The following FLRT2 variants were observed in gnomAD, a reference collection of about 807,000 sequenced individuals.
FLRT2 encodes fibronectin leucine rich transmembrane protein 2, also known as leucine-rich repeat transmembrane protein FLRT2.
In FLRT2, 15 loss-of-function variants were observed where a neutral mutation model predicts 40.0. The observed-to-expected ratio is 0.38, with a 90% CI of 0.25 to 0.58. The LOEUF (loss-of-function observed/expected upper bound fraction) is 0.58. FLRT2 is among the 20% of genes least tolerant of loss of function. The pLI is 0.71. For missense variants in FLRT2, 726 were observed against 840.0 expected (o/e 0.86, Z 1.68); for synonymous variants, 380 against 336.8 (o/e 1.13, Z -1.41).
At chr14:85,536,978 T>C (rs112338911) in intron 1 of FLRT2, among the ~76,000 whole-genome samples, 1 of 152,318 alleles carries the variant, frequency 6.6e-6, no homozygotes, top group African/African-American at 2.4e-5. Context: ...TTATTGCTCC[T>C]AAGTGCTTAC....
At chr14:85,588,571 G>C (rs1280964238) in intron 1 of FLRT2, among the ~76,000 whole-genome samples, 1 of 151,872 alleles carries the variant, frequency 6.6e-6, no homozygotes, top group Non-Finnish European at 1.5e-5. Flanking sequence ...CACATCATGA[G>C]AATGGGGTAT....
rs869148428 is a variant in FLRT2, at chr14:85,639,851, CTT to C, written c.*16368_*16369del. ...GAAATTCTTTATTTTTTTTTTTTTCCTTTTTTTTTTTTTTTGAGACAGTGTCT... is the reference window on the plus strand; with the variant it reads ...GAAATTCTTTATTTTTTTTTTTTTCCTTTTTTTTTTTTTGAGACAGTGTCT... On this transcript the variant is annotated 3_prime_UTR_variant, in exon 2 of 2. Coordinates refer to ENST00000330753, the MANE Select transcript of FLRT2 (RefSeq NM_013231.6). The C allele has an allele frequency of 1.7e-5, 2 of 119,250 alleles. No individual in the cohort carries two copies. Among genetic ancestry groups the C allele is most frequent in the Non-Finnish European group, 1.6e-5 (1 of 62,186 alleles). 7.4% of individuals were successfully genotyped at this position (119,250 alleles called of 1,614,324 possible). A position where few individuals can be genotyped will look rare whatever the true frequency, so the allele number is the denominator to read the frequency against.
intron 1 of FLRT2, among the ~76,000 whole-genome samples, chr14:85,588,455 C>G (rs1471693891): frequency 2.1e-5 from 1 of 47,912 alleles, no homozygotes; most frequent in African/African-American, 1.6e-4. Context: ...ATCACTAGCT[C>G]AGTTTTTTTT....
At chr14:85,583,300 TA>T (rs1424359398) in intron 1 of FLRT2, among the ~76,000 whole-genome samples, 5 of 152,214 alleles carry the variant, frequency 3.3e-5, no homozygotes, top group Non-Finnish European at 7.3e-5. Context: ...TGGAAAAGAA[TA>T]GGTAAAGTAC....
In FLRT2 at chr14:85,623,287, A is replaced by C. The variant is rs1397893420; in HGVS notation, c.1773A>C (p.Ala591=). Residue 591 remains alanine, a synonymous_variant, in exon 2 of 2, where the codon GCA becomes GCC. Transcript: ENST00000330753. ...RGRRKDDYCE[A]GTKKDNSILE... ...GGCGGAAAGATGATTATTGCGAGGC[A>C]GGCACCAAGAAGGACAACTCCATCC... is the stretch of plus-strand genomic sequence containing the variant. 1.5e-5 allele frequency: 22 copies of C among 1,517,110 alleles called. 1 individual carries two copies. The South Asian group carries it at 2.8e-4, about 19-fold the overall frequency. 94.0% of individuals were successfully genotyped at this position (1,517,110 alleles called of 1,614,324 possible). A position where few individuals can be genotyped will look rare whatever the true frequency, so the allele number is the denominator to read the frequency against.
rs1434555575 is a variant in FLRT2 at position 85,637,500 on chromosome 14, T to G, written c.*14003T>G. ...TAGCACAGTGTCTAGTATATACAGT[T>G]GCTTTGTTACATTAACTCCATTCAA... On this transcript the variant is annotated 3_prime_UTR_variant, in exon 2 of 2. Coordinates refer to ENST00000330753, the MANE Select transcript of FLRT2 (RefSeq NM_013231.6). 5 of 152,352 alleles carry G rather than the reference T, an allele frequency of 3.3e-5. No individual in the cohort carries two copies. Among genetic ancestry groups the G allele is most frequent in the Middle Eastern group, 3.4e-3 (1 of 294 alleles). 9.4% of individuals were successfully genotyped at this position (152,352 alleles called of 1,614,324 possible). A position where few individuals can be genotyped will look rare whatever the true frequency, so the allele number is the denominator to read the frequency against.
At chr14:85,577,468 T>G (rs937402394) in intron 1 of FLRT2, among the ~76,000 whole-genome samples, 2 of 152,196 alleles carry the variant, frequency 1.3e-5, no homozygotes, top group African/African-American at 4.8e-5. Flanking sequence ...GGATTTTTGT[T>G]AATTCCCTGC....
At chr14:85,570,564 T>A (rs1417586521) in intron 1 of FLRT2, among the ~76,000 whole-genome samples, 7 of 85,438 alleles carry the variant, frequency 8.2e-5, no homozygotes, top group African/African-American at 1.2e-4. Flanking sequence ...TTATTTATTT[T>A]ATTTATTTAT....
Position 85,622,692 on chromosome 14 carries a change from G to C in FLRT2, c.1178G>C (p.Arg393Thr), listed in dbSNP as rs999849774. The change falls in exon 2 of 2, where the codon AGA (arginine) becomes ACA (threonine). Residue 393 changes from arginine to threonine, a missense_variant. Coordinates refer to ENST00000330753, the MANE Select transcript of FLRT2 (RefSeq NM_013231.6). ...PPTLSIPNPS[R>T]SYTPPTPTTS... ...ACCCTCTCTATTCCAAACCCTAGCA[G>C]AAGCTACACGCCTCCAACTCCTACC... is the stretch of plus-strand genomic sequence containing the variant. 24 of 1,613,838 alleles carry C rather than the reference G, an allele frequency of 1.5e-5. No individual in the cohort carries two copies. Among genetic ancestry groups the C allele is most frequent in the Non-Finnish European group, 2.0e-5 (24 of 1,180,010 alleles).
rs1411458866 is a variant in FLRT2, at chr14:85,649,524, G to T, written c.*26027G>T. On this transcript the variant is annotated 3_prime_UTR_variant, in exon 2 of 2. Transcript: ENST00000330753. ...GTTATCAGTAGCACACAATATATTG[G>T]ATTAAGTTTTTGAATGATGTGCAAA... 1 of 152,008 alleles carries T rather than the reference G, an allele frequency of 6.6e-6. No homozygotes were observed. Among genetic ancestry groups the T allele is most frequent in the Admixed American group, 6.6e-5 (1 of 15,240 alleles). The allele number at this position is 152,008 out of a possible 1,614,324, so 9.4% of individuals were successfully genotyped here.
chr14:85,649,642 G>C lies in FLRT2; in HGVS notation c.*26145G>C, dbSNP rs1460914188. ...ACTGGTTTTAGGCAAAGGATTTTAA[G>C]ATAAATTCTTTCATACTGGAATTTG... On this transcript the variant is annotated 3_prime_UTR_variant, in exon 2 of 2. Coordinates refer to ENST00000330753, the MANE Select transcript of FLRT2 (RefSeq NM_013231.6). 6.6e-6 allele frequency: 1 copy of C among 152,030 alleles called. No individual in the cohort carries two copies. The highest frequency in any genetic ancestry group is 1.9e-4 in the East Asian group (1 of 5,196). The allele number at this position is 152,030 out of a possible 1,614,324, so 9.4% of individuals were successfully genotyped here. A position where few individuals can be genotyped will look rare whatever the true frequency, so the allele number is the denominator to read the frequency against.
At chr14:85,553,632 C>T (rs932180518) in intron 1 of FLRT2, among the ~76,000 whole-genome samples, 10 of 151,910 alleles carry the variant, frequency 6.6e-5, no homozygotes, top group African/African-American at 2.4e-4. Flanking sequence ...CAGATCCAAG[C>T]ACTGATTAGT....
chr14:85,581,867 C>T (rs1486040743), intron 1 of FLRT2, among the ~76,000 whole-genome samples: 1 of 152,122 alleles, frequency 6.6e-6, no homozygotes, highest in African/African-American at 2.4e-5. Flanking sequence ...TAAGATCTTT[C>T]CACCCACAGT....
intron 1 of FLRT2, among the ~76,000 whole-genome samples, chr14:85,569,124 A>C (rs1890778284): frequency 6.6e-6 from 1 of 152,158 alleles, no homozygotes. Context: ...CAAACTCGTG[A>C]GGGCTCTTTG....
chr14:85,605,758 T>A (rs966328529), intron 1 of FLRT2, among the ~76,000 whole-genome samples: 1 of 152,074 alleles, frequency 6.6e-6, no homozygotes, highest in Admixed American at 6.6e-5. Context: ...AGAGCAAGAC[T>A]CCATCTCAAA....
chr14:85,651,246 A>G lies in FLRT2; in HGVS notation c.*27749A>G, dbSNP rs1333670183. On this transcript the variant is annotated 3_prime_UTR_variant, in exon 2 of 2. Coordinates refer to ENST00000330753, the MANE Select transcript of FLRT2 (RefSeq NM_013231.6). ...ATTTAAGTCAAAGGACATAGCCTGG[A>G]AAGTATTCGTTTGTTTGTGTGTGTG... 4 of 144,934 alleles carry G rather than the reference A, an allele frequency of 2.8e-5. No homozygotes were observed. The highest frequency in any genetic ancestry group is 6.1e-5 in the Non-Finnish European group (4 of 65,746). 9.0% of individuals were successfully genotyped at this position (144,934 alleles called of 1,614,324 possible).
chr14:85,600,191 C>T (rs995350378), intron 1 of FLRT2, among the ~76,000 whole-genome samples: 3 of 152,150 alleles, frequency 2.0e-5, no homozygotes, highest in African/African-American at 7.2e-5. Context: ...GGCCTCTTTA[C>T]TGTAACAAAA....
At chr14:85,557,574 G>A (rs535755842) in intron 1 of FLRT2, among the ~76,000 whole-genome samples, 27 of 152,314 alleles carry the variant, frequency 1.8e-4, no homozygotes, top group African/African-American at 5.8e-4. Context: ...ACTTTGGGAG[G>A]CTGAGGCAGG....
At chr14:85,568,091 T>G (rs1890714671) in intron 1 of FLRT2, among the ~76,000 whole-genome samples, 1 of 152,056 alleles carries the variant, frequency 6.6e-6, no homozygotes, top group South Asian at 2.1e-4. Flanking sequence ...GCTGTTTTTG[T>G]TCTGCTTGTG....
Sources: gnomAD v4.1 joint callset for allele counts (sites outside exome capture counted in the v4.1 genomes callset) on GRCh38, gnomAD v4.1.1 for gene constraint, MANE v1.5 for transcripts, NCBI Gene and HGNC (gene_info 2026-07-23, HGNC 2026-07-21) for gene names.